FAM186B: variants seen among roughly 807,000 people sequenced by gnomAD.
FAM186B encodes the protein family with sequence similarity 186 member B, also known as protein FAM186B.
Under a neutral mutation model 83.4 loss-of-function variants are expected in FAM186B, and 68 were observed. That is an observed-to-expected ratio of 0.81 (90% CI 0.67 to 1.00). The LOEUF is 1.00. Ranked by LOEUF, FAM186B falls within the 50% of genes least tolerant of loss-of-function variation. FAM186B has a pLI of 0.00. For missense variants in FAM186B, 983 were observed against 1,099.2 expected, an observed-to-expected ratio of 0.89 and a Z score of 1.49; for synonymous variants, 389 against 422.0, an observed-to-expected ratio of 0.92 and a Z score of 0.96.
At position 49,600,655 on chromosome 12, in the gene FAM186B, C is replaced by A. The variant is rs758221050; in HGVS notation, c.985G>T (p.Glu329Ter). Reference protein sequence around the residue: ...KKAQNATGQAEDLAEVSVDSP... With the variant: ...KKAQNATGQA ...TCAACAGAAACCTCAGCCAGGTCTTCTGCCTGACCTGTAGCATTCTGAGCC... is the reference window on the plus strand; with the variant it reads ...TCAACAGAAACCTCAGCCAGGTCTTATGCCTGACCTGTAGCATTCTGAGCC... The change falls in exon 4 of 7, where the codon GAA becomes TAA. Residue 329 changes from glutamate (E) to a stop codon, truncating the protein, a stop_gained. Transcript: ENST00000257894. LOFTEE classifies it high-confidence loss of function. This position sits in a 1 kb window ranked among gnomAD's most constrained non-coding sequence, Gnocchi z 4.3. The A allele has an allele frequency of 6.2e-7, 1 of 1,613,928 alleles. No homozygotes were observed.
intron 5 of FAM186B, among the ~76,000 whole-genome samples, chr12:49,592,912 AAAC>A (rs1197756892): frequency 6.6e-6 from 1 of 152,248 alleles, no homozygotes; most frequent in Non-Finnish European, 1.5e-5. Flanking sequence ...AGAGGGAAAA[AAAC>A]AAAGAACAGA....
At chr12:49,618,347 A>G in the FAM186B span, among the ~76,000 whole-genome samples, 2 of 152,158 alleles carry the variant, frequency 1.3e-5, no homozygotes, top group East Asian at 3.9e-4. Flanking sequence ...CCGTCTGAAA[A>G]AAAAAAAAAG....
At position 49,600,157 on chromosome 12, in the gene FAM186B, C is replaced by T. The variant is rs1331909498; in HGVS notation, c.1483G>A (p.Glu495Lys). Residue 495 changes from glutamate (E) to lysine (K), a missense_variant, in exon 4 of 7, where the codon GAG becomes AAG. Glu to Lys is a moderately conservative substitution (Grantham distance 56). Coordinates refer to ENST00000257894, the MANE Select transcript of FAM186B (RefSeq NM_032130.3). The surrounding 1 kb of genome is among the most constrained non-coding windows in gnomAD (Gnocchi z 4.3). Reference protein sequence around the residue: ...GREMRRQLWLEEEEMWQQRQK... With the variant: ...GREMRRQLWLKEEEMWQQRQK... Reference sequence around the variant, plus strand: ...CGCTGCTGCCACATCTCCTCCTCCTCCAGCCACAGCTGCCTCCGCATCTCC... The same window carrying T: ...CGCTGCTGCCACATCTCCTCCTCCTTCAGCCACAGCTGCCTCCGCATCTCC... 6.2e-7 allele frequency: 1 copy of T among 1,613,818 alleles called. No individual in the cohort carries two copies. Among genetic ancestry groups the T allele is most frequent in the South Asian group, 1.1e-5 (1 of 91,058 alleles).
upstream of FAM186B, among the ~76,000 whole-genome samples, chr12:49,605,914 A>T (rs535726436): frequency 1.3e-5 from 2 of 151,526 alleles, no homozygotes; most frequent in Non-Finnish European, 2.9e-5. Context: ...GCGTGCCACC[A>T]CGCCTGGCTA....
In FAM186B at chr12:49,599,670, AT is replaced by A. The variant is rs144816241; in HGVS notation, c.1969del (p.Ile657LeufsTer20). ...GTCCATGTGGTACACCTTCTTCTTAATATTTGCAGGGGATATCTGCAAAGAG... is the reference window on the plus strand; with the variant it reads ...GTCCATGTGGTACACCTTCTTCTTAAATTTGCAGGGGATATCTGCAAAGAG... ...WPSLQISPAN[I>X]KKKVYHMDME... On this transcript the variant is annotated frameshift_variant, in exon 4 of 7. Coordinates refer to ENST00000257894, the MANE Select transcript of FAM186B (RefSeq NM_032130.3). LOFTEE classifies it high-confidence loss of function. The A allele has an allele frequency of 4.3e-5, 69 of 1,605,686 alleles. No homozygotes were observed. In the African/African-American group the frequency reaches 8.6e-4, roughly 20 times the overall value.
upstream of FAM186B, among the ~76,000 whole-genome samples, chr12:49,609,812 T>C (rs1940065262): frequency 6.6e-6 from 1 of 152,194 alleles, no homozygotes; most frequent in Admixed American, 6.5e-5. Flanking sequence ...GAGGGACCTG[T>C]AGACAGGCCT....
At chr12:49,602,855 T>G (rs937897310) in intron 3 of FAM186B, among the ~76,000 whole-genome samples, 1 of 152,188 alleles carries the variant, frequency 6.6e-6, no homozygotes, top group Non-Finnish European at 1.5e-5. Flanking sequence ...GGAGTGAGAA[T>G]AGGATGGCCC....
chr12:49,593,215 T>C (rs931358201), intron 5 of FAM186B: 3 of 152,186 alleles, frequency 2.0e-5, no homozygotes, highest in African/African-American at 7.2e-5. Context: ...CAGTAAATAA[T>C]ATATAGACAC....
At chr12:49,590,918 A>G (rs1592544712) in intron 5 of FAM186B, among the ~76,000 whole-genome samples, 1 of 152,348 alleles carries the variant, frequency 6.6e-6, no homozygotes, top group African/African-American at 2.4e-5. Flanking sequence ...AACATTTAAA[A>G]TGAATCTTAA....
chr12:49,586,497 C>T (rs1939445979), downstream of FAM186B, among the ~76,000 whole-genome samples: 1 of 152,090 alleles, frequency 6.6e-6, no homozygotes, highest in Non-Finnish European at 1.5e-5. Context: ...GGGGCTTGCC[C>T]GAGACTCAGA....
chr12:49,609,810 T>C (rs1940065223), upstream of FAM186B, among the ~76,000 whole-genome samples: 1 of 152,208 alleles, frequency 6.6e-6, no homozygotes, highest in Non-Finnish European at 1.5e-5. Context: ...TTGAGGGACC[T>C]GTAGACAGGC....
At chr12:49,587,020 G>A (rs1054059672), downstream of FAM186B, among the ~76,000 whole-genome samples, 4 of 152,208 alleles carry the variant, frequency 2.6e-5, no homozygotes, top group African/African-American at 9.7e-5. Flanking sequence ...GATTGCTCAT[G>A]TAGAGAGGGT....
At chr12:49,597,888 C>A (rs756247811) in intron 5 of FAM186B, among the ~76,000 whole-genome samples, 1 of 152,102 alleles carries the variant, frequency 6.6e-6, no homozygotes, top group East Asian at 1.9e-4. Flanking sequence ...GGTGAAACCC[C>A]GTCTCTACTA....
At chr12:49,584,183 C>G (rs574924965), downstream of FAM186B, 2 of 319,414 alleles carry the variant, frequency 6.3e-6, no homozygotes, top group East Asian at 6.5e-5. Context: ...CCAATCACAG[C>G]TATCTCGGCA....
chr12:49,595,608 G>C, intron 5 of FAM186B: 1 of 414,964 alleles, frequency 2.4e-6, no homozygotes, highest in South Asian at 2.0e-5. Flanking sequence ...GACCAGCTTT[G>C]AGTTTGTGAT....
Position 49,603,350 on chromosome 12 carries a change from C to T in FAM186B, c.340G>A (p.Glu114Lys), listed in dbSNP as rs539177471. ...TCTTCACTCTTCCTGGGCCCAATCT[C>T]ATAGGTCAGAGTGTCACCTGGAGAA... Reference protein sequence around the residue: ...LGDWGDTLTYEIGPRKSEEEA... With the variant: ...LGDWGDTLTYKIGPRKSEEEA... Residue 114 changes from glutamate to lysine, a missense_variant, in exon 3 of 7, where the codon GAG becomes AAG. By Grantham distance (56) the Glu-to-Lys change is moderately conservative. Coordinates refer to ENST00000257894, the MANE Select transcript of FAM186B (RefSeq NM_032130.3). 4 of 1,614,172 alleles carry T rather than the reference C, an allele frequency of 2.5e-6. No homozygotes were observed. The African/African-American group carries it at 5.3e-5, about 22-fold the overall frequency.
At chr12:49,620,383 A>C in the FAM186B span, among the ~76,000 whole-genome samples, 2 of 152,110 alleles carry the variant, frequency 1.3e-5, no homozygotes, top group African/African-American at 4.8e-5. Flanking sequence ...AAAAAAGTGC[A>C]TGGAGGCTGG....
At position 49,599,926 on chromosome 12, in the gene FAM186B, C is replaced by T; in HGVS notation, c.1714G>A (p.Ala572Thr). The T allele has an allele frequency of 1.2e-6, 2 of 1,613,690 alleles. No individual in the cohort carries two copies. Among genetic ancestry groups the T allele is most frequent in the Non-Finnish European group, 1.7e-6 (2 of 1,179,784 alleles). ...PTSRWRDLEKAELSLVPAPSR... is the reference protein window; with the variant it reads ...PTSRWRDLEKTELSLVPAPSR... ...GGGGCAGGCACTAATGATAGCTCTG[C>T]CTTCTCCAAGTCCCTCCATCGACTG... The change falls in exon 4 of 7, where the codon GCA (alanine) becomes ACA (threonine). Residue 572 changes from alanine (A) to threonine (T), a missense_variant. By Grantham distance (58) the Ala-to-Thr change is moderately conservative. Transcript: ENST00000257894.
At chr12:49,610,799 A>G in the FAM186B span, among the ~76,000 whole-genome samples, 1 of 151,960 alleles carries the variant, frequency 6.6e-6, no homozygotes, top group African/African-American at 2.4e-5. Flanking sequence ...CAAAAAAAAA[A>G]AAAAAAAGAA....
Sources: gnomAD v4.1 joint callset for allele counts (sites outside exome capture counted in the v4.1 genomes callset) on GRCh38, gnomAD v4.1.1 for gene constraint, Gnocchi (gnomAD v3.1) non-coding constraint, MANE v1.5 for transcripts, NCBI Gene and HGNC (gene_info 2026-07-23, HGNC 2026-07-21) for gene names.